The following IPO5 variants were observed in gnomAD, a reference collection of about 807,000 sequenced individuals.
IPO5 encodes the protein importin 5, also known as importin-5.
IPO5 carries 18 observed loss-of-function variants against 143.3 expected under a neutral mutation model. That is an observed-to-expected ratio of 0.13 (90% CI 0.09 to 0.19). IPO5 has a LOEUF of 0.19. Among genes scored for constraint, IPO5 ranks in the 10% least tolerant of loss-of-function variants. The probability of loss-of-function intolerance (pLI) is 1.00; values close to 1 mark genes in which losing one functional copy is unlikely to be tolerated. For missense variants in IPO5, 1,013 were observed against 1,336.9 expected (o/e 0.76, Z 3.78); for synonymous variants, 477 against 465.7 (o/e 1.02, Z -0.31).
intron 3 of IPO5, among the ~76,000 whole-genome samples, chr13:97,976,306 A>T (rs1027807146): frequency 6.7e-6 from 1 of 149,372 alleles, no homozygotes; most frequent in Admixed American, 6.6e-5. Flanking sequence ...CCCGACCCCG[A>T]CCCCGATCCC....
rs374362404 is a variant in IPO5, at chr13:97,963,845, C to G, written c.-112-5878C>G. ...AAAAGCATTCCTATTTCTCCACAGC[C>G]TCGCCAGCATCTGTTGTTTCCTGAC... On this transcript the variant is annotated intron_variant, in intron 2 of 28. Coordinates refer to ENST00000651721, the MANE Select transcript of IPO5 (RefSeq NM_002271.6). Among the ~76,000 whole-genome samples the G allele has an allele frequency of 7.9e-4, 120 of 152,280 alleles. 1 individual carries two copies. In the East Asian group the frequency reaches 0.019, roughly 24 times the overall value.
intron 3 of IPO5, among the ~76,000 whole-genome samples, chr13:97,970,705 T>A (rs1228776304): frequency 2.0e-5 from 3 of 152,204 alleles, no homozygotes; most frequent in African/African-American, 7.2e-5. Context: ...GCTACCATAA[T>A]GAGCATTGCA....
chr13:98,005,399 T>G (rs1345873467), intron 16 of IPO5, among the ~76,000 whole-genome samples: 1 of 143,604 alleles, frequency 7.0e-6, no homozygotes, highest in Non-Finnish European at 1.5e-5. Context: ...ATTTATTTAT[T>G]TATTTATTTA....
intron 2 of IPO5, among the ~76,000 whole-genome samples, chr13:97,964,582 C>T (rs1159545697): frequency 6.6e-6 from 1 of 151,462 alleles, no homozygotes; most frequent in Non-Finnish European, 1.5e-5. Context: ...GGACTATAGG[C>T]ACCTGCCACC....
chr13:98,012,262 A>AG lies in IPO5; in HGVS notation c.2073dup (p.Leu692ValfsTer49). On this transcript the variant is annotated frameshift_variant, in exon 21 of 29. Transcript: ENST00000651721. LOFTEE classifies it high-confidence loss of function. ...TGGTTACAGGTTTGCTATGCTAAGG[A>AG]GTTAAAGGAAGGCTTTGTGGAGTAC... 1 of 1,607,088 alleles carries AG rather than the reference A, an allele frequency of 6.2e-7. No individual in the cohort carries two copies. Among genetic ancestry groups the AG allele is most frequent in the South Asian group, 1.1e-5 (1 of 90,962 alleles).
intron 24 of IPO5, 62 bp from the exon 25 acceptor site, chr13:98,016,667 T>C: frequency 1.1e-6 from 1 of 871,024 alleles, no homozygotes; most frequent in South Asian, 2.7e-5. Context: ...TAAATGTTAC[T>C]ATTGATAATA....
chr13:97,962,399 G>A (rs759580833), intron 2 of IPO5, among the ~76,000 whole-genome samples: 7 of 152,146 alleles, frequency 4.6e-5, no homozygotes, highest in Admixed American at 1.3e-4. Flanking sequence ...TTTTTATGAC[G>A]TGAAGTATGG....
intron 21 of IPO5, among the ~76,000 whole-genome samples, chr13:98,013,408 A>G (rs567757394): frequency 1.7e-4 from 26 of 152,218 alleles, no homozygotes; most frequent in Non-Finnish European, 3.2e-4. Flanking sequence ...TTTACACACG[A>G]GAGTGGTAGA....
chr13:97,988,462 G>A (rs1021166226), intron 6 of IPO5, among the ~76,000 whole-genome samples: 3 of 152,188 alleles, frequency 2.0e-5, no homozygotes, highest in South Asian at 2.1e-4. Context: ...AGTTAAAAGT[G>A]CTGCCTTCTC....
chr13:97,964,741 G>A (rs1257235275), intron 2 of IPO5, among the ~76,000 whole-genome samples: 7 of 151,988 alleles, frequency 4.6e-5, no homozygotes, highest in Non-Finnish European at 8.8e-5. Flanking sequence ...GAGCCACCGC[G>A]CCCGGCCTCC....
chr13:97,990,214 C>T lies in IPO5; in HGVS notation c.556C>T (p.His186Tyr). ...MLVQCMQDQE[H>Y]PSIRTLSARA... ...AGTTCAGTGTATGCAAGATCAGGAA[C>T]ACCCGTCGGTAAATAATTTCAATCC... The change falls in exon 8 of 29, where the codon CAC becomes TAC. Residue 186 changes from histidine (H) to tyrosine (Y), a missense_variant. Coordinates refer to ENST00000651721, the MANE Select transcript of IPO5 (RefSeq NM_002271.6). 1 of 1,596,046 alleles carries T rather than the reference C, an allele frequency of 6.3e-7. No individual in the cohort carries two copies. Among genetic ancestry groups the T allele is most frequent in the Non-Finnish European group, 8.6e-7 (1 of 1,164,224 alleles).
At chr13:97,969,175 A>ATATATATATATATATTTT (rs1234384302) in intron 2 of IPO5, among the ~76,000 whole-genome samples, 1 of 43,898 alleles carries the variant, frequency 2.3e-5, no homozygotes, top group Non-Finnish European at 4.0e-5. Flanking sequence ...ATATATATAT[A>ATATATATATATATATTTT]TTTTTTTTTT....
At chr13:97,996,682 G>A (rs1028537135) in intron 11 of IPO5, among the ~76,000 whole-genome samples, 7 of 151,914 alleles carry the variant, frequency 4.6e-5, no homozygotes, top group South Asian at 2.1e-4. Context: ...GGCTCACAGC[G>A]AGCTCCACCT....
At chr13:97,987,083 A>C (rs1282146308) in intron 6 of IPO5, 1 of 168,990 alleles carries the variant, frequency 5.9e-6, no homozygotes, top group African/African-American at 2.4e-5. Flanking sequence ...CTCTCCAAGA[A>C]GTCACAGAGA....
At chr13:97,964,322 T>G (rs1885125361) in intron 2 of IPO5, among the ~76,000 whole-genome samples, 3 of 152,178 alleles carry the variant, frequency 2.0e-5, no homozygotes, top group African/African-American at 4.8e-5. Context: ...TTTTCATGAT[T>G]TTAAGTTTTA....
intron 12 of IPO5, 69 bp downstream of exon 12, chr13:97,997,687 G>T (rs761021800): frequency 3.2e-5 from 28 of 869,058 alleles, no homozygotes; most frequent in Non-Finnish European, 4.7e-5. Context: ...CTTCACTATT[G>T]CACCCTGTAA....
chr13:98,012,218 T>C, intron 20 of IPO5, 28 bp from the exon 21 acceptor site: 1 of 1,321,758 alleles, frequency 7.6e-7, no homozygotes, highest in Non-Finnish European at 1.1e-6. Context: ...ACATGAATCT[T>C]TATTTCCTCC....
Position 97,969,818 on chromosome 13 carries a change from A to G in IPO5, c.-17A>G, listed in dbSNP as rs1283190015. Reference sequence around the variant, plus strand: ...CAAGTTGGAAAACTAGAAGCAACAGAAAACACAATAAGGTAACTGATTTCA... The same window carrying G: ...CAAGTTGGAAAACTAGAAGCAACAGGAAACACAATAAGGTAACTGATTTCA... On this transcript the variant is annotated 5_prime_UTR_variant, in exon 3 of 29. Transcript: ENST00000651721. The G allele has an allele frequency of 6.2e-7, 1 of 1,611,576 alleles. No individual in the cohort carries two copies. Among genetic ancestry groups the G allele is most frequent in the South Asian group, 1.1e-5 (1 of 90,780 alleles).
At chr13:97,981,021 A>G (rs1206575172) in intron 4 of IPO5, among the ~76,000 whole-genome samples, 1 of 152,198 alleles carries the variant, frequency 6.6e-6, no homozygotes, top group Non-Finnish European at 1.5e-5. Flanking sequence ...GAAAAGTCTC[A>G]AAGGTACATA....
Sources: gnomAD v4.1 joint callset for allele counts (sites outside exome capture counted in the v4.1 genomes callset) on GRCh38, gnomAD v4.1.1 for gene constraint, MANE v1.5 for transcripts, NCBI Gene and HGNC (gene_info 2026-07-23, HGNC 2026-07-21) for gene names.